The following RIPK4 variants were observed in gnomAD, a reference collection of about 807,000 sequenced individuals.
RIPK4 encodes receptor-interacting serine/threonine-protein kinase 4.
A neutral mutation model predicts 42.9 loss-of-function variants in RIPK4; 17 were observed. The observed-to-expected ratio is 0.40, with a 90% CI of 0.27 to 0.59. RIPK4 has a LOEUF of 0.59. Among genes scored for constraint, RIPK4 ranks in the 20% least tolerant of loss-of-function variants. RIPK4 has a pLI of 0.47. For missense variants in RIPK4, 897 were observed against 1,104.4 expected, an observed-to-expected ratio of 0.81 and a Z score of 2.66; for synonymous variants, 498 against 499.1, an observed-to-expected ratio of 1.00 and a Z score of 0.03.
intron 4 of RIPK4, 135 bp from the exon 5 acceptor site, chr21:41,746,906 A>G (rs13048502): frequency 3.1e-6 from 3 of 958,952 alleles, no homozygotes; most frequent in Admixed American, 2.7e-5. Context: ...CGGCTCCCCC[A>G]CTCCGTTTCA....
rs979848298 is a variant in RIPK4 at position 41,751,301 on chromosome 21, A to C, written c.475-56T>G. ...TAGCCTGCAACAGTGATATTTTATGATGCTTTATCAAAAGCTCCCTTCTGC... is the reference window on the plus strand; with the variant it reads ...TAGCCTGCAACAGTGATATTTTATGCTGCTTTATCAAAAGCTCCCTTCTGC... On this transcript the variant is annotated intron_variant, in intron 2 of 7. Coordinates refer to ENST00000332512, the MANE Select transcript of RIPK4 (RefSeq NM_020639.3). This position sits in a 1 kb window ranked among gnomAD's most constrained non-coding sequence, Gnocchi z 4.5. The C allele has an allele frequency of 1.3e-6, 2 of 1,595,602 alleles. No homozygotes were observed. The highest frequency in any genetic ancestry group is 2.7e-5 in the African/African-American group (2 of 74,390).
Position 41,740,999 on chromosome 21 carries a change from C to T in RIPK4, c.2194G>A (p.Asp732Asn), listed in dbSNP as rs779827509. The change falls in exon 8 of 8, where the codon GAC becomes AAC. Residue 732 changes from aspartate (D) to asparagine (N), a missense_variant. Transcript: ENST00000332512. ...LVSADVIDLF[D>N]EQGLSALHLA... ...TGCAGCGCGCTGAGCCCCTGCTCGT[C>T]GAACAGGTCAATGACATCGGCGCTG... is the stretch of plus-strand genomic sequence containing the variant. The T allele has an allele frequency of 3.4e-5, 54 of 1,610,310 alleles. No homozygotes were observed. The highest frequency in any genetic ancestry group is 8.8e-5 in the South Asian group (8 of 91,010).
At chr21:41,746,974 G>C (rs528593289) in intron 4 of RIPK4, 1 of 588,704 alleles carries the variant, frequency 1.7e-6, no homozygotes, top group Admixed American at 3.5e-5. Flanking sequence ...CTAGTTTCCT[G>C]GTTTTGAAAT....
In RIPK4 at chr21:41,739,659, C is replaced by T. The variant is rs2061146308; in HGVS notation, c.*1179G>A. 6.6e-6 allele frequency: 1 copy of T among 152,238 alleles called. No homozygotes were observed. The highest frequency in any genetic ancestry group is 2.4e-5 in the African/African-American group (1 of 41,446). The allele number at this position is 152,238 out of a possible 1,614,324, so 9.4% of individuals were successfully genotyped here. A position where few individuals can be genotyped will look rare whatever the true frequency, so the allele number is the denominator to read the frequency against. ...CTAATAACAGTATTCAGAAGGCACC[C>T]TATGGGACACAGGTGACAGTGAAGT... On this transcript the variant is annotated 3_prime_UTR_variant, in exon 8 of 8. Coordinates refer to ENST00000332512, the MANE Select transcript of RIPK4 (RefSeq NM_020639.3).
In RIPK4 at chr21:41,767,048, C is replaced by T. The variant is rs1284158495; in HGVS notation, c.-7G>A. ...TCCCGCCGTCGCCCTCCATCGCGCA[C>T]GTCTAGCCAGCGCCGCGGCGGCTGC... On this transcript the variant is annotated 5_prime_UTR_variant, in exon 1 of 8. It adds an upstream start codon to the 5' untranslated region. Transcript: ENST00000332512. This position sits in a 1 kb window ranked among gnomAD's most constrained non-coding sequence, Gnocchi z 4.0. 4 of 1,541,772 alleles carry T rather than the reference C, an allele frequency of 2.6e-6. No homozygotes were observed. The highest frequency in any genetic ancestry group is 2.6e-6 in the Non-Finnish European group (3 of 1,150,804).
chr21:41,756,938 A>G, intron 1 of RIPK4, 122 bp from the exon 2 acceptor site: 2 of 952,822 alleles, frequency 2.1e-6, no homozygotes, highest in Non-Finnish European at 3.1e-6. Context: ...GTGCACACAC[A>G]TGGGGCACAC....
In RIPK4 at chr21:41,742,548, C is replaced by T. The variant is rs376927443; in HGVS notation, c.1196-551G>A. On this transcript the variant is annotated intron_variant, in intron 7 of 7. Transcript: ENST00000332512. The surrounding 1 kb of genome is among the most constrained non-coding windows in gnomAD (Gnocchi z 5.1). ...ATAATCCTGAAGGGACCGAGCTTCT[C>T]GTTTCAGGAGGACGTTAGTCCAGCA... Among the ~76,000 whole-genome samples the T allele has an allele frequency of 2.6e-5, 4 of 152,284 alleles. No individual in the cohort carries two copies. The highest frequency in any genetic ancestry group is 3.9e-4 in the East Asian group (2 of 5,184).
rs1408993774 is a variant in RIPK4, at chr21:41,743,690, A to G, written c.1195+192T>C. 3.3e-5 allele frequency among the ~76,000 whole-genome samples: 5 copies of G among 152,370 alleles called. No individual in the cohort carries two copies. In the South Asian group the frequency reaches 8.3e-4, roughly 25 times the overall value. On this transcript the variant is annotated intron_variant, in intron 7 of 7. Coordinates refer to ENST00000332512, the MANE Select transcript of RIPK4 (RefSeq NM_020639.3). Reference sequence around the variant, plus strand: ...TGGTGATGTGGCCTGTTCCCCACACATGCTAAGTGACATAAGACGGAGCCA... The same window carrying G: ...TGGTGATGTGGCCTGTTCCCCACACGTGCTAAGTGACATAAGACGGAGCCA...
In RIPK4 at chr21:41,740,904, CA is replaced by C; in HGVS notation, c.2288del (p.Leu763ArgfsTer58). On this transcript the variant is annotated frameshift_variant, in exon 8 of 8. Coordinates refer to ENST00000332512, the MANE Select transcript of RIPK4 (RefSeq NM_020639.3). LOFTEE classifies it high-confidence loss of function. The part of the protein sequence containing the change: ...TLLRHGAHIN[L>X]QSLKFQGGHG... ...GGCCGCCCTGGAACTTGAGGCTCTGCAGGTTGATGTGGGCCCCATGCCTGAG... is the reference window on the plus strand; with the variant it reads ...GGCCGCCCTGGAACTTGAGGCTCTGCGGTTGATGTGGGCCCCATGCCTGAG... 6.2e-7 allele frequency: 1 copy of C among 1,612,456 alleles called. No homozygotes were observed. Among genetic ancestry groups the C allele is most frequent in the Non-Finnish European group, 8.5e-7 (1 of 1,179,748 alleles).
intron 4 of RIPK4, among the ~76,000 whole-genome samples, chr21:41,748,012 G>A (rs143401410): frequency 1.6e-4 from 25 of 152,312 alleles, no homozygotes; most frequent in African/African-American, 4.3e-4. Context: ...TGTCCCCTGC[G>A]CCTAGCTTCG....
At chr21:41,762,840 G>A (rs772573186) in intron 1 of RIPK4, among the ~76,000 whole-genome samples, 1 of 152,104 alleles carries the variant, frequency 6.6e-6, no homozygotes, top group South Asian at 2.1e-4. Context: ...CTGGGGTGGC[G>A]GCCAGGGAGC....
Position 41,741,575 on chromosome 21 carries a change from G to T in RIPK4, c.1618C>A (p.Pro540Thr). ...VNEVDFEGRTPMHVACQHGQE... is the reference protein window; with the variant it reads ...VNEVDFEGRTTMHVACQHGQE... ...CCGTGCTGGCAGGCCACGTGCATGG[G>T]CGTCCGGCCCTCAAAGTCCACCTCG... Residue 540 changes from proline to threonine, a missense_variant, in exon 8 of 8, where the codon CCC becomes ACC. Physicochemically the swap from Pro to Thr is conservative, Grantham distance 38. Transcript: ENST00000332512. The T allele has an allele frequency of 6.2e-7, 1 of 1,611,858 alleles. No individual in the cohort carries two copies. The highest frequency in any genetic ancestry group is 2.2e-5 in the East Asian group (1 of 44,876).
At chr21:41,762,473 C>T (rs3895614) in intron 1 of RIPK4, among the ~76,000 whole-genome samples, 15,100 of 152,222 alleles carry the variant, frequency 0.099, 793 homozygotes, top group African/African-American at 0.13. Context: ...GCTCCCTAGG[C>T]GCACATCTGG....
At position 41,755,895 on chromosome 21, in the gene RIPK4, T is replaced by C. The variant is rs1018974716; in HGVS notation, c.474+630A>G. ...TGCCAAGGCCCAGAGGCAACACTGG[T>C]TTTCAGTTACATTATCTCTCTTACT... On this transcript the variant is annotated intron_variant, in intron 2 of 7. Transcript: ENST00000332512. The surrounding 1 kb of genome is among the most constrained non-coding windows in gnomAD (Gnocchi z 4.2). Among the ~76,000 whole-genome samples the C allele has an allele frequency of 2.0e-5, 3 of 152,090 alleles. No homozygotes were observed. The highest frequency in any genetic ancestry group is 7.2e-5 in the African/African-American group (3 of 41,396).
chr21:41,740,526 TG>T lies in RIPK4; in HGVS notation c.*311del. 2.7e-6 allele frequency: 1 copy of T among 366,386 alleles called. No individual in the cohort carries two copies. The allele number at this position is 366,386 out of a possible 1,614,324, so 22.7% of individuals were successfully genotyped here. A position where few individuals can be genotyped will look rare whatever the true frequency, so the allele number is the denominator to read the frequency against. On this transcript the variant is annotated 3_prime_UTR_variant, in exon 8 of 8. Coordinates refer to ENST00000332512, the MANE Select transcript of RIPK4 (RefSeq NM_020639.3). The stretch of plus-strand genomic sequence containing the variant: ...AGGAGAGAGTGGATGCTTCCACGCC[TG>T]GGGCTTCATCACTGAGAGACCAGCC...
At chr21:41,744,533 T>C (rs779432991) in intron 6 of RIPK4, among the ~76,000 whole-genome samples, 3 of 152,172 alleles carry the variant, frequency 2.0e-5, no homozygotes, top group Non-Finnish European at 4.4e-5. Flanking sequence ...AAAGATAGCC[T>C]TCATAAAAGT....
At chr21:41,752,441 G>T (rs1303621175) in intron 2 of RIPK4, among the ~76,000 whole-genome samples, 1 of 152,072 alleles carries the variant, frequency 6.6e-6, no homozygotes, top group Admixed American at 6.5e-5. Context: ...AGGTAGGGGG[G>T]AAGGCCTGCG....
intron 1 of RIPK4, among the ~76,000 whole-genome samples, chr21:41,761,938 T>C (rs962220320): frequency 2.0e-5 from 3 of 152,132 alleles, no homozygotes; most frequent in Admixed American, 6.5e-5. Context: ...CAGCAAGTAC[T>C]TTACTCTCCC....
chr21:41,744,158 A>G lies in RIPK4; in HGVS notation c.937-18T>C. 2.6e-6 allele frequency: 4 copies of G among 1,563,562 alleles called. No individual in the cohort carries two copies. Among genetic ancestry groups the G allele is most frequent in the Non-Finnish European group, 3.5e-6 (4 of 1,153,464 alleles). ...GGCACCACCTGCGAAGATGCAGAAG[A>G]GGGGGTGGGTGAAGACCCTGCCATA... On this transcript the variant is annotated intron_variant, in intron 6 of 7. Transcript: ENST00000332512.
Sources: allele counts gnomAD v4.1 joint callset (sites outside exome capture counted in the v4.1 genomes callset), GRCh38; gene constraint gnomAD v4.1.1; non-coding constraint Gnocchi (gnomAD v3.1); transcripts MANE v1.5; gene names NCBI Gene and HGNC (gene_info 2026-07-23, HGNC 2026-07-21).